Variants in RAPGEF2 observed in about 807,000 individuals in gnomAD.
RAPGEF2 encodes Rap guanine nucleotide exchange factor 2.
A neutral mutation model predicts 186.7 loss-of-function variants in RAPGEF2; 54 were observed. The observed-to-expected ratio is 0.29, with a 90% CI of 0.23 to 0.36. The LOEUF (loss-of-function observed/expected upper bound fraction) is 0.36, where lower values mean the gene tolerates loss of function less well. Among genes scored for constraint, RAPGEF2 ranks in the 10% least tolerant of loss-of-function variants. The pLI is 1.00. For missense variants in RAPGEF2, 1,532 were observed against 2,045.0 expected (o/e 0.75, Z 4.84); for synonymous variants, 712 against 705.9 (o/e 1.01, Z -0.14).
At chr4:159,111,913 C>T (rs868272612) in intron 1 of RAPGEF2, among the ~76,000 whole-genome samples, 8 of 152,156 alleles carry the variant, frequency 5.3e-5, no homozygotes, top group African/African-American at 1.7e-4. Flanking sequence ...AGGATATTGA[C>T]ATCAGTGCAA....
Position 159,103,871 on chromosome 4 carries a change from A to AGGG in RAPGEF2, c.-290_-289insGGG. The AGGG allele has an allele frequency of 6.5e-6, 1 of 154,264 alleles. No homozygotes were observed. Among genetic ancestry groups the AGGG allele is most frequent in the Non-Finnish European group, 1.4e-5 (1 of 70,028 alleles). The allele number at this position is 154,264 out of a possible 1,614,324, so 9.6% of individuals were successfully genotyped here. A position where few individuals can be genotyped will look rare whatever the true frequency, so the allele number is the denominator to read the frequency against. On this transcript the variant is annotated 5_prime_UTR_variant, in exon 1 of 30. Transcript: ENST00000691494. ...GGAAGCCGGCGGAGCGGCGAGGAAG[A>AGGG]GGAGGAGGAGGAGGAAGGGGAGTTC... is the stretch of plus-strand genomic sequence containing the variant.
Position 159,323,826 on chromosome 4 carries a change from C to T in RAPGEF2, c.1149+209C>T, listed in dbSNP as rs571477746. 5.3e-5 allele frequency among the ~76,000 whole-genome samples: 8 copies of T among 150,922 alleles called. No individual in the cohort carries two copies. In the South Asian group the frequency reaches 6.2e-4, roughly 12 times the overall value. On this transcript the variant is annotated intron_variant, in intron 11 of 29. Transcript: ENST00000691494. ...ATCTGCCTCCTGAGTTCTAGTGATT[C>T]CCCTGCCTCAGCCTCCCAAGTAGCT...
chr4:159,164,256 A>G (rs372938407), intron 1 of RAPGEF2, among the ~76,000 whole-genome samples: 15 of 150,718 alleles, frequency 1.0e-4, no homozygotes, highest in Non-Finnish European at 1.9e-4. Flanking sequence ...CGCCCGCCTC[A>G]GCCTCCCAAA....
Position 159,358,019 on chromosome 4 carries a change from A to T in RAPGEF2, c.4958-95A>T, listed in dbSNP as rs780048558. 5.6e-5 allele frequency: 68 copies of T among 1,212,866 alleles called. 1 individual carries two copies. Among genetic ancestry groups the T allele is most frequent in the Middle Eastern group, 1.9e-4 (1 of 5,236 alleles). 75.1% of individuals were successfully genotyped at this position (1,212,866 alleles called of 1,614,324 possible). ...CTATACTAAAAAGAATAACTATGAT[A>T]GTTTTATTTAGCACATCAGTGAATA... On this transcript the variant is annotated intron_variant, in intron 29 of 29. Coordinates refer to ENST00000691494, the MANE Select transcript of RAPGEF2 (RefSeq NM_001394067.2).
At chr4:159,264,025 G>A (rs1757168804) in intron 7 of RAPGEF2, among the ~76,000 whole-genome samples, 1 of 152,110 alleles carries the variant, frequency 6.6e-6, no homozygotes, top group Non-Finnish European at 1.5e-5. Context: ...AATGGTTAAG[G>A]AATGGGGTAA....
At chr4:159,256,156 G>A (rs947395819) in intron 7 of RAPGEF2, among the ~76,000 whole-genome samples, 7 of 152,208 alleles carry the variant, frequency 4.6e-5, no homozygotes, top group African/African-American at 7.2e-5. Flanking sequence ...GTGGTTTGCC[G>A]TACCTGTCAA....
intron 7 of RAPGEF2, among the ~76,000 whole-genome samples, chr4:159,285,457 A>G (rs984007078): frequency 6.6e-6 from 1 of 152,216 alleles, no homozygotes; most frequent in African/African-American, 2.4e-5. Flanking sequence ...ATTTATTTAC[A>G]AAGCTACATT....
chr4:159,349,322 T>C (rs1218025147), intron 25 of RAPGEF2, among the ~76,000 whole-genome samples: 6 of 152,252 alleles, frequency 3.9e-5, no homozygotes, highest in African/African-American at 1.4e-4. Flanking sequence ...AATATCTCTT[T>C]GTTGTTCAAA....
chr4:159,179,734 A>G (rs1201329567), intron 1 of RAPGEF2, among the ~76,000 whole-genome samples: 2 of 152,196 alleles, frequency 1.3e-5, no homozygotes, highest in South Asian at 4.1e-4. Context: ...TGGGCAGGAA[A>G]GGAGTGGGGG....
rs994106847 is a variant in RAPGEF2, at chr4:159,103,139, G to A, written c.-1024G>A. 3.9e-5 allele frequency: 6 copies of A among 152,174 alleles called. No homozygotes were observed. Among genetic ancestry groups the A allele is most frequent in the Admixed American group, 3.9e-4 (6 of 15,262 alleles). 9.4% of individuals were successfully genotyped at this position (152,174 alleles called of 1,614,324 possible). A position where few individuals can be genotyped will look rare whatever the true frequency, so the allele number is the denominator to read the frequency against. On this transcript the variant is annotated 5_prime_UTR_variant, in exon 1 of 30. Transcript: ENST00000691494. ...GGAGGAAGAGGCGGAGGAAGAGGAG[G>A]GGAATCGCCGCTTCCCAAACACTCT...
At chr4:159,185,631 CAG>C (rs1350515414) in intron 1 of RAPGEF2, among the ~76,000 whole-genome samples, 1 of 152,072 alleles carries the variant, frequency 6.6e-6, no homozygotes, top group Non-Finnish European at 1.5e-5. Context: ...CTCATAGAAA[CAG>C]AAAGTAGTTT....
At chr4:159,118,212 C>T (rs1427575411) in intron 1 of RAPGEF2, among the ~76,000 whole-genome samples, 1 of 152,234 alleles carries the variant, frequency 6.6e-6, no homozygotes, top group South Asian at 2.1e-4. Flanking sequence ...TGAGCTCCGC[C>T]TCCTGTCAGA....
chr4:159,328,907 T>C (rs1254765592), intron 11 of RAPGEF2: 1 of 152,092 alleles, frequency 6.6e-6, no homozygotes, highest in African/African-American at 2.4e-5. Context: ...ATATGAGCAA[T>C]ATAAAAAGAA....
chr4:159,106,818 C>T (rs534745397), intron 1 of RAPGEF2, among the ~76,000 whole-genome samples: 1 of 152,064 alleles, frequency 6.6e-6, no homozygotes, highest in African/African-American at 2.4e-5. Flanking sequence ...TAGAAGTAAT[C>T]CTGATGTCAT....
chr4:159,147,790 T>C (rs1329373050), intron 1 of RAPGEF2, among the ~76,000 whole-genome samples: 1 of 152,244 alleles, frequency 6.6e-6, no homozygotes, highest in East Asian at 1.9e-4. Context: ...TGTGTGACTT[T>C]AGTCAAGATA....
chr4:159,342,553 A>ATTATT (rs1159754910), intron 20 of RAPGEF2, among the ~76,000 whole-genome samples: 3,441 of 71,898 alleles, frequency 0.048, 191 homozygotes, highest in East Asian at 0.1. Context: ...TTTATTTTAT[A>ATTATT]TTATTTTATT....
At chr4:159,212,863 A>G (rs2111378134) in intron 4 of RAPGEF2, among the ~76,000 whole-genome samples, 1 of 152,344 alleles carries the variant, frequency 6.6e-6, no homozygotes, top group East Asian at 1.9e-4. Context: ...ACCAGCCATT[A>G]TCAAGTAGTC....
At chr4:159,318,464 G>A (rs914718123) in intron 9 of RAPGEF2, among the ~76,000 whole-genome samples, 3 of 152,220 alleles carry the variant, frequency 2.0e-5, no homozygotes, top group Non-Finnish European at 4.4e-5. Context: ...ATGCATGTGA[G>A]TGTGTGCATG....
At chr4:159,336,465 C>T (rs995892030) in intron 17 of RAPGEF2, among the ~76,000 whole-genome samples, 1 of 152,158 alleles carries the variant, frequency 6.6e-6, no homozygotes, top group African/African-American at 2.4e-5. Context: ...TAATGACCAA[C>T]AGCTCCATCC....
Sources: gnomAD v4.1 joint callset for allele counts (sites outside exome capture counted in the v4.1 genomes callset) on GRCh38, gnomAD v4.1.1 for gene constraint, MANE v1.5 for transcripts, NCBI Gene and HGNC (gene_info 2026-07-23, HGNC 2026-07-21) for gene names.